The following EIF2B3 variants were observed in gnomAD, a reference collection of about 807,000 sequenced individuals.
EIF2B3 encodes the protein translation initiation factor eIF2B subunit gamma.
In EIF2B3, 20 loss-of-function variants were observed where a neutral mutation model predicts 54.1. The observed-to-expected ratio is 0.37, with a 90% CI of 0.26 to 0.54. The LOEUF (loss-of-function observed/expected upper bound fraction) is 0.54. Ranked by LOEUF, EIF2B3 falls within the 20% of genes least tolerant of loss-of-function variation. The pLI is 0.86. For synonymous variants in EIF2B3, 153 were observed against 188.1 expected (o/e 0.81, Z 1.52); for missense variants, 448 against 547.8 (o/e 0.82, Z 1.82).
At chr1:44,930,213 G>A (rs1007877691) in intron 4 of EIF2B3, among the ~76,000 whole-genome samples, 1 of 152,140 alleles carries the variant, frequency 6.6e-6, no homozygotes, top group African/African-American at 2.4e-5. Context: ...CCTATGGTAG[G>A]TGCTATGTCT....
chr1:44,954,018 G>T (rs1644196884), intron 3 of EIF2B3, among the ~76,000 whole-genome samples: 1 of 152,070 alleles, frequency 6.6e-6, no homozygotes, highest in African/African-American at 2.4e-5. Context: ...GAAACAATAA[G>T]AAAGTGATCC....
chr1:44,856,108 AG>A (rs1654423774), intron 11 of EIF2B3, among the ~76,000 whole-genome samples: 1 of 152,180 alleles, frequency 6.6e-6, no homozygotes, highest in Non-Finnish European at 1.5e-5. Flanking sequence ...GGTATGTATG[AG>A]GAATTCTAAG....
chr1:44,929,930 G>T (rs1332508329), intron 4 of EIF2B3, among the ~76,000 whole-genome samples: 1 of 152,108 alleles, frequency 6.6e-6, no homozygotes, highest in Non-Finnish European at 1.5e-5. Context: ...GTTTCTTTCT[G>T]TTCTGCTTTA....
chr1:44,947,016 G>T (rs568781029), intron 3 of EIF2B3, among the ~76,000 whole-genome samples: 1 of 152,294 alleles, frequency 6.6e-6, no homozygotes, highest in Non-Finnish European at 1.5e-5. Context: ...CCCTGAACAT[G>T]CCAACACTCA....
At chr1:44,965,408 T>C (rs1644326496) in intron 3 of EIF2B3, among the ~76,000 whole-genome samples, 1 of 151,906 alleles carries the variant, frequency 6.6e-6, no homozygotes, top group South Asian at 2.1e-4. Context: ...ATTTTGAAAA[T>C]AGCAGACCAA....
intron 3 of EIF2B3, among the ~76,000 whole-genome samples, chr1:44,949,760 T>TG (rs988560909): frequency 1.3e-5 from 2 of 152,208 alleles, no homozygotes; most frequent in Non-Finnish European, 1.5e-5. Flanking sequence ...ATGATATGCT[T>TG]GCTAGATTTA....
chr1:44,909,635 G>T (rs1343686802), intron 5 of EIF2B3, among the ~76,000 whole-genome samples: 2 of 152,166 alleles, frequency 1.3e-5, no homozygotes, highest in Non-Finnish European at 2.9e-5. Flanking sequence ...TTATCTTACA[G>T]CCATATCATT....
Position 44,986,102 on chromosome 1 carries a change from A to T in EIF2B3, c.-10+391T>A, listed in dbSNP as rs190780632. On this transcript the variant is annotated intron_variant, in intron 1 of 11. Coordinates refer to ENST00000360403, the MANE Select transcript of EIF2B3 (RefSeq NM_020365.5). ...GCTCACTCGCTGTGACTTTAAGCAG[A>T]ACCCTCCCCGAAACTTCGTTTCTTT... Among the ~76,000 whole-genome samples, 19 of 151,562 alleles carry T rather than the reference A, an allele frequency of 1.3e-4. 1 individual carries two copies. The highest frequency in any genetic ancestry group is 4.4e-4 in the African/African-American group (18 of 41,306).
intron 6 of EIF2B3, among the ~76,000 whole-genome samples, chr1:44,882,928 C>CTTTTTTTTTTTTTT (rs1003449669): frequency 8.7e-6 from 1 of 114,456 alleles, no homozygotes. Flanking sequence ...TTTTCTTTTT[C>CTTTTTTTTTTTTTT]TTTTTTTTTT....
At chr1:44,861,936 A>T (rs1416587634) in intron 10 of EIF2B3, among the ~76,000 whole-genome samples, 2 of 152,230 alleles carry the variant, frequency 1.3e-5, no homozygotes, top group African/African-American at 4.8e-5. Flanking sequence ...GGTACTTTGG[A>T]AAAATTTCAA....
chr1:44,966,494 G>C (rs1041582939), intron 3 of EIF2B3, among the ~76,000 whole-genome samples: 1 of 151,058 alleles, frequency 6.6e-6, no homozygotes, highest in Admixed American at 6.6e-5. Flanking sequence ...GAAATTGCCA[G>C]GAGTAGAATC....
At chr1:44,902,853 A>G (rs1328107821) in intron 5 of EIF2B3, among the ~76,000 whole-genome samples, 8 of 146,840 alleles carry the variant, frequency 5.4e-5, no homozygotes, top group African/African-American at 2.1e-4. Flanking sequence ...AAAAAAAAAA[A>G]AAAGAAAGCT....
At chr1:44,872,971 C>T (rs761089902) in intron 10 of EIF2B3, among the ~76,000 whole-genome samples, 9 of 152,170 alleles carry the variant, frequency 5.9e-5, no homozygotes, top group Non-Finnish European at 8.8e-5. Context: ...GGTGTGCTGA[C>T]GCTGGCTTGT....
At chr1:44,899,091 G>C (rs1569657126) in intron 5 of EIF2B3, among the ~76,000 whole-genome samples, 2 of 152,226 alleles carry the variant, frequency 1.3e-5, no homozygotes, top group Admixed American at 1.3e-4. Flanking sequence ...AAAGTGCTGG[G>C]ATTACAGGCA....
chr1:44,942,485 C>T (rs114179096), intron 3 of EIF2B3, among the ~76,000 whole-genome samples: 1,700 of 123,650 alleles, frequency 0.014, 14 homozygotes, highest in South Asian at 0.046. Flanking sequence ...TGGAATGCAG[C>T]GGTGCGGTCA....
At chr1:44,873,956 G>A (rs1050328179) in intron 10 of EIF2B3, among the ~76,000 whole-genome samples, 6 of 151,912 alleles carry the variant, frequency 3.9e-5, no homozygotes, top group African/African-American at 1.5e-4. Flanking sequence ...GGCCAGAAGT[G>A]TTTTAGATTT....
intron 6 of EIF2B3, among the ~76,000 whole-genome samples, chr1:44,894,121 C>T (rs943976545): frequency 6.6e-6 from 1 of 152,218 alleles, no homozygotes; most frequent in East Asian, 1.9e-4. Flanking sequence ...AACCAGCTGA[C>T]ATTATAAAAC....
At chr1:44,944,365 C>T (rs1386056994) in intron 3 of EIF2B3, among the ~76,000 whole-genome samples, 1 of 152,118 alleles carries the variant, frequency 6.6e-6, no homozygotes, top group Non-Finnish European at 1.5e-5. Context: ...CAGAGTGGCT[C>T]ACACCTGTAA....
chr1:44,971,596 G>C (rs983972314), intron 3 of EIF2B3, among the ~76,000 whole-genome samples: 6 of 152,140 alleles, frequency 3.9e-5, no homozygotes, highest in African/African-American at 1.4e-4. Context: ...AGAGATTATA[G>C]AGCAAAGAAA....
Sources: allele counts gnomAD v4.1 joint callset (sites outside exome capture counted in the v4.1 genomes callset), GRCh38; gene constraint gnomAD v4.1.1; transcripts MANE v1.5; gene names NCBI Gene and HGNC (gene_info 2026-07-23, HGNC 2026-07-21).